The following SND1 variants were observed in gnomAD, a reference collection of about 807,000 sequenced individuals.
SND1 encodes the protein staphylococcal nuclease domain-containing protein 1.
Under a neutral mutation model 121.7 loss-of-function variants are expected in SND1, and 38 were observed. That is an observed-to-expected ratio of 0.31 (90% CI 0.24 to 0.41). SND1 has a LOEUF of 0.41. Ranked by LOEUF, SND1 falls within the 10% of genes least tolerant of loss-of-function variation. The probability of loss-of-function intolerance (pLI) is 1.00; values close to 1 mark genes in which losing one functional copy is unlikely to be tolerated. For missense variants in SND1, 868 were observed against 1,184.6 expected, an observed-to-expected ratio of 0.73 and a Z score of 3.92; for synonymous variants, 401 against 447.4, an observed-to-expected ratio of 0.90 and a Z score of 1.31.
chr7:127,668,556 G>T (rs1795459266), intron 1 of SND1, among the ~76,000 whole-genome samples: 1 of 152,154 alleles, frequency 6.6e-6, no homozygotes, highest in African/African-American at 2.4e-5. Context: ...GTATTTTTTT[G>T]GAATAAATGA....
At position 127,825,502 on chromosome 7, in the gene SND1, G is replaced by A. The variant is rs148799210; in HGVS notation, c.1242+17929G>A. On this transcript the variant is annotated intron_variant, in intron 11 of 23. Transcript: ENST00000354725. ...GGTTCACTACAACCTCTGCCTCCCA[G>A]GTTCAAGCAATTCTTGTGCCTCAAC... Among the ~76,000 whole-genome samples the A allele has an allele frequency of 6.6e-5, 10 of 151,744 alleles. No individual in the cohort carries two copies. The East Asian group carries it at 2.0e-3, about 30-fold the overall frequency.
intron 16 of SND1, among the ~76,000 whole-genome samples, chr7:128,044,536 T>A (rs1792912160): frequency 6.6e-6 from 1 of 152,112 alleles, no homozygotes; most frequent in Non-Finnish European, 1.5e-5. Context: ...TGCTCTTACC[T>A]TGCTGAAATC....
chr7:127,910,600 A>C (rs996452171), intron 14 of SND1, among the ~76,000 whole-genome samples: 6 of 151,802 alleles, frequency 4.0e-5, no homozygotes, highest in African/African-American at 1.5e-4. Flanking sequence ...GTTTAGATTT[A>C]TTTTTCTTAC....
At chr7:127,946,874 T>C (rs1266075855) in intron 15 of SND1, among the ~76,000 whole-genome samples, 1 of 152,240 alleles carries the variant, frequency 6.6e-6, no homozygotes, top group Non-Finnish European at 1.5e-5. Flanking sequence ...CTTTATTAAA[T>C]TGTTAACATA....
chr7:128,077,634 C>G (rs1793528870), intron 17 of SND1, among the ~76,000 whole-genome samples: 2 of 152,252 alleles, frequency 1.3e-5, no homozygotes. Context: ...AGACACTTCC[C>G]CCACCTGACC....
intron 1 of SND1, among the ~76,000 whole-genome samples, chr7:127,682,592 T>C (rs1043429728): frequency 6.6e-6 from 1 of 152,222 alleles, no homozygotes; most frequent in African/African-American, 2.4e-5. Flanking sequence ...AATTACTGCA[T>C]CCATGAAAGT....
intron 10 of SND1, among the ~76,000 whole-genome samples, chr7:127,771,553 G>A (rs564523211): frequency 2.6e-5 from 4 of 152,116 alleles, no homozygotes; most frequent in Non-Finnish European, 5.9e-5. Context: ...TAGATTTGTA[G>A]TGTATTCATG....
At chr7:127,803,951 A>T (rs1369154838) in intron 10 of SND1, among the ~76,000 whole-genome samples, 1 of 152,222 alleles carries the variant, frequency 6.6e-6, no homozygotes, top group African/African-American at 2.4e-5. Context: ...TGATTACAGC[A>T]CATATTGGTT....
chr7:127,702,412 A>C, intron 5 of SND1, 23 bp from the exon 6 acceptor site: 1 of 1,602,884 alleles, frequency 6.2e-7, no homozygotes, highest in East Asian at 2.2e-5. Flanking sequence ...CTAAGGACTT[A>C]AGCTGTTTAT....
At chr7:127,664,175 T>C (rs1795369459) in intron 1 of SND1, among the ~76,000 whole-genome samples, 1 of 152,102 alleles carries the variant, frequency 6.6e-6, no homozygotes, top group African/African-American at 2.4e-5. Flanking sequence ...GGGGTCTCTC[T>C]GTGCTACCCA....
chr7:128,018,162 A>G (rs1056511364), intron 16 of SND1, among the ~76,000 whole-genome samples: 1 of 152,254 alleles, frequency 6.6e-6, no homozygotes, highest in African/African-American at 2.4e-5. Flanking sequence ...CCTGTGTGTC[A>G]GCAAAAGAAG....
intron 17 of SND1, among the ~76,000 whole-genome samples, chr7:128,079,030 A>C (rs1793555008): frequency 1.3e-5 from 2 of 152,266 alleles, no homozygotes; most frequent in African/African-American, 4.8e-5. Flanking sequence ...GCTCCATCCC[A>C]GTTCACTTAA....
At chr7:127,949,029 A>C in intron 15 of SND1, 1 of 152,238 alleles carries the variant, frequency 6.6e-6, no homozygotes, top group East Asian at 1.9e-4. Flanking sequence ...GCAACAGCCA[A>C]TTAGTAATTG....
intron 10 of SND1, among the ~76,000 whole-genome samples, chr7:127,769,249 T>G (rs77579930): frequency 1.5e-5 from 2 of 130,904 alleles, no homozygotes; most frequent in South Asian, 2.4e-4. Flanking sequence ...AGGTAGAGTG[T>G]TTTTTTTTTT....
intron 12 of SND1, chr7:127,858,037 A>T: frequency 7.1e-7 from 1 of 1,413,894 alleles, no homozygotes; most frequent in Non-Finnish European, 1.0e-6. Flanking sequence ...CATCACATCC[A>T]CCAGACCATC....
intron 10 of SND1, among the ~76,000 whole-genome samples, chr7:127,731,293 T>C (rs1006335736): frequency 4.6e-5 from 7 of 152,250 alleles, no homozygotes; most frequent in Non-Finnish European, 8.8e-5. Flanking sequence ...GTTTTGGCCA[T>C]TGGGACATTC....
At chr7:127,859,707 A>T (rs1480001616) in intron 12 of SND1, among the ~76,000 whole-genome samples, 3 of 152,142 alleles carry the variant, frequency 2.0e-5, no homozygotes, top group Non-Finnish European at 4.4e-5. Flanking sequence ...AAATCTAAGT[A>T]CTGATGCTTG....
intron 16 of SND1, among the ~76,000 whole-genome samples, chr7:128,043,313 C>A (rs1290770525): frequency 6.6e-6 from 1 of 152,128 alleles, no homozygotes; most frequent in African/African-American, 2.4e-5. Context: ...TTTAGTCCAT[C>A]ATAAATAATA....
intron 10 of SND1, among the ~76,000 whole-genome samples, chr7:127,736,170 TTGCGTTTC>T (rs1477671288): frequency 6.6e-6 from 1 of 152,250 alleles, no homozygotes; most frequent in Non-Finnish European, 1.5e-5. Context: ...GATAGATGGC[TTGCGTTTC>T]TGCTTTCATC....
Sources: allele counts gnomAD v4.1 joint callset (sites outside exome capture counted in the v4.1 genomes callset), GRCh38; gene constraint gnomAD v4.1.1; transcripts MANE v1.5; gene names NCBI Gene and HGNC (gene_info 2026-07-23, HGNC 2026-07-21).